Variants in RBFOX2 observed in about 807,000 individuals in gnomAD.
RBFOX2 encodes the protein RNA binding fox-1 homolog 2.
In RBFOX2, 10 loss-of-function variants were observed where a neutral mutation model predicts 49.1. The ratio of observed to expected loss-of-function variants is 0.20; its 90% CI spans 0.13 to 0.35. The LOEUF (loss-of-function observed/expected upper bound fraction) is 0.35, where lower values mean the gene tolerates loss of function less well. RBFOX2 is among the 10% of genes least tolerant of loss of function. The probability of loss-of-function intolerance (pLI) is 1.00; values close to 1 mark genes in which losing one functional copy is unlikely to be tolerated. For missense variants in RBFOX2, 323 were observed against 486.9 expected (o/e 0.66, Z 3.17); for synonymous variants, 183 against 187.4 (o/e 0.98, Z 0.19).
chr22:36,026,139 G>A lies in RBFOX2; in HGVS notation c.186+2101C>T, dbSNP rs190637985. Reference sequence around the variant, plus strand: ...AAATTAGCTGGGCATGGTGGCAGACGCCTGTAATCCCATCTACTCAGGAAG... The same window carrying A: ...AAATTAGCTGGGCATGGTGGCAGACACCTGTAATCCCATCTACTCAGGAAG... On this transcript the variant is annotated intron_variant, in intron 1 of 13. Transcript: ENST00000438146. 8.6e-5 allele frequency among the ~76,000 whole-genome samples: 13 copies of A among 151,874 alleles called. No individual in the cohort carries two copies. In the East Asian group the frequency reaches 2.1e-3, roughly 25 times the overall value.
upstream of RBFOX2, among the ~76,000 whole-genome samples, chr22:35,943,390 A>G (rs1240872196): frequency 2.0e-5 from 3 of 152,018 alleles, no homozygotes; most frequent in East Asian, 5.8e-4. Context: ...CGATATGTCT[A>G]TAAGCAAGCA....
intron 1 of RBFOX2, among the ~76,000 whole-genome samples, chr22:35,828,941 C>T (rs555091634): frequency 6.6e-6 from 1 of 152,200 alleles, no homozygotes; most frequent in East Asian, 1.9e-4. Flanking sequence ...ATCCCAGCTA[C>T]TCGGGAGGCT....
chr22:35,837,125 C>T (rs371654571), intron 1 of RBFOX2, among the ~76,000 whole-genome samples: 14 of 152,272 alleles, frequency 9.2e-5, no homozygotes, highest in East Asian at 5.8e-4. Context: ...CTATAAATGA[C>T]AGAGTAGTTT....
intron 1 of RBFOX2, among the ~76,000 whole-genome samples, chr22:36,020,299 A>C (rs2059193229): frequency 6.6e-6 from 1 of 152,226 alleles, no homozygotes; most frequent in Admixed American, 6.5e-5. Flanking sequence ...AAAACCCTAG[A>C]AGAAAACCTA....
chr22:35,795,065 C>T (rs567439177), intron 2 of RBFOX2, among the ~76,000 whole-genome samples: 1 of 152,290 alleles, frequency 6.6e-6, no homozygotes, highest in African/African-American at 2.4e-5. Context: ...TTTTCTGTGG[C>T]AACTCTCACA....
At chr22:35,877,369 A>G (rs1377251981) in intron 1 of RBFOX2, among the ~76,000 whole-genome samples, 1 of 152,166 alleles carries the variant, frequency 6.6e-6, no homozygotes, top group Non-Finnish European at 1.5e-5. Flanking sequence ...AGTAGAAGAG[A>G]GAACTGGAGG....
chr22:35,743,634 C>T (rs1356787859), exon 12 of RBFOX2: 1 of 152,564 alleles, frequency 6.6e-6, no homozygotes, highest in East Asian at 1.9e-4. Flanking sequence ...AATTCTCCTG[C>T]TTTGTAAGCA....
At chr22:35,904,764 G>A (rs149068982) in intron 1 of RBFOX2, among the ~76,000 whole-genome samples, 2 of 152,288 alleles carry the variant, frequency 1.3e-5, no homozygotes, top group African/African-American at 4.8e-5. Flanking sequence ...CAAGCTTGCT[G>A]TATATAAGTT....
At chr22:35,886,763 C>T (rs747561140) in intron 1 of RBFOX2, among the ~76,000 whole-genome samples, 8 of 152,200 alleles carry the variant, frequency 5.3e-5, no homozygotes, top group African/African-American at 9.7e-5. Context: ...ACTGCATTGA[C>T]TGATGCATTG....
chr22:35,950,877 T>TATCAG (rs1312196804), intron 1 of RBFOX2, among the ~76,000 whole-genome samples: 1 of 152,100 alleles, frequency 6.6e-6, no homozygotes, highest in Non-Finnish European at 1.5e-5. Context: ...AGCAGATCTA[T>TATCAG]ATCTGCTGTT....
At chr22:36,001,266 A>T (rs956589400) in intron 1 of RBFOX2, among the ~76,000 whole-genome samples, 3 of 151,802 alleles carry the variant, frequency 2.0e-5, no homozygotes, top group Non-Finnish European at 4.4e-5. Flanking sequence ...ATACATGTAT[A>T]CACCACAAAC....
intron 9 of RBFOX2, chr22:35,752,735 G>T: frequency 1.4e-6 from 1 of 709,390 alleles, no homozygotes; most frequent in Non-Finnish European, 1.7e-6. Flanking sequence ...CCACTAAGGG[G>T]CCCACCAGCC....
At chr22:36,026,516 T>C (rs2059440576) in intron 1 of RBFOX2, among the ~76,000 whole-genome samples, 1 of 149,076 alleles carries the variant, frequency 6.7e-6, no homozygotes, top group Non-Finnish European at 1.5e-5. Flanking sequence ...TTAACTAGGA[T>C]TGACAGAAAT....
chr22:36,008,223 A>T (rs1249914079), intron 1 of RBFOX2, among the ~76,000 whole-genome samples: 1 of 152,146 alleles, frequency 6.6e-6, no homozygotes, highest in Non-Finnish European at 1.5e-5. Flanking sequence ...GTTGTTCCAT[A>T]AACCTTCCCC....
chr22:35,798,370 G>A (rs546132719), intron 2 of RBFOX2, among the ~76,000 whole-genome samples: 1 of 152,318 alleles, frequency 6.6e-6, no homozygotes, highest in South Asian at 2.1e-4. Flanking sequence ...ACAGTAATGT[G>A]CACATGACAA....
chr22:35,928,973 T>A (rs1183862464), intron 1 of RBFOX2, among the ~76,000 whole-genome samples: 2 of 152,070 alleles, frequency 1.3e-5, no homozygotes, highest in South Asian at 2.1e-4. Flanking sequence ...AAGTTATGCA[T>A]GAGGCCACGT....
intron 11 of RBFOX2, 115 bp from the exon 14 acceptor site, chr22:35,744,364 A>G: frequency 1.0e-6 from 1 of 974,378 alleles, no homozygotes; most frequent in African/African-American, 1.7e-5. Flanking sequence ...CCTCAAAGCA[A>G]CTGATCAAGC....
upstream of RBFOX2, among the ~76,000 whole-genome samples, chr22:35,840,806 T>C: frequency 6.6e-6 from 1 of 152,240 alleles, no homozygotes; most frequent in East Asian, 1.9e-4. Context: ...GAATGTCAAA[T>C]AAGAAATGAA....
rs567659426 is a variant in RBFOX2, at chr22:35,924,284, G to T, written c.-34+14563C>A. 5.0e-4 allele frequency among the ~76,000 whole-genome samples: 76 copies of T among 152,220 alleles called. No individual in the cohort carries two copies. In the South Asian group the frequency reaches 0.015, roughly 29 times the overall value. On this transcript the variant is annotated intron_variant, in intron 1 of 13. Transcript: ENST00000359369. ...GAATACCAGAATTAAAGAGCTAAAA[G>T]TATCTTTATCTTAAACGATCCTGTG...
Sources: gnomAD v4.1 joint callset for allele counts (sites outside exome capture counted in the v4.1 genomes callset) on GRCh38, gnomAD v4.1.1 for gene constraint, MANE v1.5 for transcripts, NCBI Gene and HGNC (gene_info 2026-07-23, HGNC 2026-07-21) for gene names.